The following TMEM273 variants were observed in gnomAD, a reference collection of about 807,000 sequenced individuals.
TMEM273 encodes transmembrane protein 273.
In TMEM273, 19 loss-of-function variants were observed where a neutral mutation model predicts 17.9. That is an observed-to-expected ratio of 1.06 (90% CI 0.74 to 1.55). The LOEUF is 1.55. Ranked by LOEUF, TMEM273 falls within the 40% of genes most tolerant of loss-of-function variation. The pLI is 0.00. For synonymous variants in TMEM273, 66 were observed against 62.0 expected (o/e 1.07, Z -0.31); for missense variants, 194 against 155.6 (o/e 1.25, Z -1.31).
chr10:49,165,693 G>T (rs77059741), intron 4 of TMEM273, 73 bp downstream of exon 4: 25,223 of 1,591,622 alleles, frequency 0.016, 284 homozygotes, highest in Middle Eastern at 0.037. Flanking sequence ...GGGGATGACA[G>T]GCAAGGGAGT....
intron 1 of TMEM273, chr10:49,178,268 T>C (rs1322543711): frequency 2.2e-6 from 1 of 457,342 alleles, no homozygotes; most frequent in South Asian, 1.5e-5. Flanking sequence ...TCCTCTCTTC[T>C]TAGGATGGCA....
Position 49,155,188 on chromosome 10 carries a change from TC to T in TMEM273, c.*703del, listed in dbSNP as rs1845442035. On this transcript the variant is annotated 3_prime_UTR_variant, in exon 7 of 7. Coordinates refer to ENST00000374153, the MANE Select transcript of TMEM273 (RefSeq NM_001288740.3). ...TAAGGAGAAAAATAATAACTGACATTCATGGCCCTCTGCAAGGCACAGCATC... is the reference window on the plus strand; with the variant it reads ...TAAGGAGAAAAATAATAACTGACATTATGGCCCTCTGCAAGGCACAGCATC... The T allele has an allele frequency of 6.6e-6, 1 of 152,398 alleles. No homozygotes were observed. Among genetic ancestry groups the T allele is most frequent in the African/African-American group, 2.4e-5 (1 of 41,456 alleles). 9.4% of individuals were successfully genotyped at this position (152,398 alleles called of 1,614,324 possible).
At chr10:49,172,743 T>C (rs911141469) in intron 1 of TMEM273, among the ~76,000 whole-genome samples, 1 of 152,114 alleles carries the variant, frequency 6.6e-6, no homozygotes, top group Non-Finnish European at 1.5e-5. Flanking sequence ...AGTTCCCAAA[T>C]TGAGTGTGTG....
At chr10:49,186,077 A>AGAAGAAGAGGAAGAAGAAGAAGAG (rs1847678160) in intron 1 of TMEM273, among the ~76,000 whole-genome samples, 1 of 140,996 alleles carries the variant, frequency 7.1e-6, no homozygotes, top group Non-Finnish European at 1.5e-5. Context: ...AGGAAGAAGA[A>AGAAGAAGAGGAAGAAGAAGAAGAG]GAAGAAGAAG....
At chr10:49,157,640 C>T (rs935330036) in intron 6 of TMEM273, among the ~76,000 whole-genome samples, 2 of 152,220 alleles carry the variant, frequency 1.3e-5, no homozygotes, top group Middle Eastern at 3.2e-3. Context: ...ATCCAACACA[C>T]ATTTCTGATT....
intron 1 of TMEM273, among the ~76,000 whole-genome samples, chr10:49,168,686 AAGGAAGGG>A (rs1318344371): frequency 9.4e-6 from 1 of 105,884 alleles, no homozygotes; most frequent in Non-Finnish European, 1.9e-5. Context: ...GGAAGGAAGG[AAGGAAGGG>A]AGGGAGGGAG....
chr10:49,157,435 G>A (rs1333688148), intron 6 of TMEM273, among the ~76,000 whole-genome samples: 1 of 152,224 alleles, frequency 6.6e-6, no homozygotes, highest in East Asian at 1.9e-4. Context: ...CATACCATGT[G>A]ATTTAGTGGC....
chr10:49,161,733 G>A (rs948795937), intron 5 of TMEM273, 111 bp from the exon 6 acceptor site: 1 of 1,370,710 alleles, frequency 7.3e-7, no homozygotes. Flanking sequence ...GCTCTTTTGG[G>A]TCTGACTTCC....
chr10:49,168,427 G>T (rs1434456750), intron 1 of TMEM273, among the ~76,000 whole-genome samples: 1 of 152,142 alleles, frequency 6.6e-6, no homozygotes, highest in Non-Finnish European at 1.5e-5. Context: ...TGGGTGAGCT[G>T]ATCCCAGTGT....
At chr10:49,169,801 G>A (rs1467232398) in intron 1 of TMEM273, among the ~76,000 whole-genome samples, 1 of 152,220 alleles carries the variant, frequency 6.6e-6, no homozygotes, top group South Asian at 2.1e-4. Context: ...GAAGGCTGTG[G>A]GTGGGAGCAC....
chr10:49,168,005 G>T, intron 1 of TMEM273, 43 bp from the exon 2 acceptor site: 1 of 1,611,808 alleles, frequency 6.2e-7, no homozygotes, highest in South Asian at 1.1e-5. Context: ...AACAGAGCTG[G>T]CTGTGGTCCC....
At chr10:49,170,832 C>T (rs1469485755) in intron 1 of TMEM273, among the ~76,000 whole-genome samples, 1 of 152,176 alleles carries the variant, frequency 6.6e-6, no homozygotes, top group East Asian at 1.9e-4. Context: ...CCTGGCCGGC[C>T]CCACCCCTGC....
At chr10:49,178,518 C>A in intron 1 of TMEM273, 1 of 318,876 alleles carries the variant, frequency 3.1e-6, no homozygotes, top group Non-Finnish European at 6.3e-6. Flanking sequence ...GGACAGTAAC[C>A]TGATGGATGT....
At chr10:49,169,598 T>C (rs1193990875) in intron 1 of TMEM273, among the ~76,000 whole-genome samples, 1 of 152,206 alleles carries the variant, frequency 6.6e-6, no homozygotes, top group African/African-American at 2.4e-5. Context: ...TTCCCACAGA[T>C]CACAAGCCCC....
chr10:49,158,954 G>C (rs953887402), intron 6 of TMEM273, among the ~76,000 whole-genome samples: 1 of 152,100 alleles, frequency 6.6e-6, no homozygotes, highest in Non-Finnish European at 1.5e-5. Flanking sequence ...ATTTTAAAAA[G>C]TGTGTCTATA....
At position 49,165,192 on chromosome 10, in the gene TMEM273, G is replaced by C; in HGVS notation, c.348+13C>G. 6.5e-7 allele frequency: 1 copy of C among 1,542,270 alleles called. No homozygotes were observed. ...AGAAGAGAATGGTGGCTGGAGTCGA[G>C]AGGGGATTGTACCTTAAATAGGCCC... is the stretch of plus-strand genomic sequence containing the variant. On this transcript the variant is annotated intron_variant, in intron 5 of 6. Transcript: ENST00000374153.
intron 1 of TMEM273, among the ~76,000 whole-genome samples, chr10:49,183,309 C>G (rs900560208): frequency 7.9e-5 from 12 of 151,466 alleles, no homozygotes; most frequent in African/African-American, 1.2e-4. Flanking sequence ...TTAAAAGAAA[C>G]TCCATGGTAT....
intron 1 of TMEM273, among the ~76,000 whole-genome samples, chr10:49,170,189 C>T (rs1219018392): frequency 1.3e-5 from 2 of 152,256 alleles, no homozygotes; most frequent in Non-Finnish European, 2.9e-5. Context: ...TCAAGAGACA[C>T]ACTCAGGCTG....
intron 6 of TMEM273, among the ~76,000 whole-genome samples, chr10:49,158,900 T>A (rs1016037645): frequency 6.6e-6 from 1 of 152,202 alleles, no homozygotes. Context: ...GAAAAGTATA[T>A]ATGCACAGAT....
Sources: allele counts gnomAD v4.1 joint callset (sites outside exome capture counted in the v4.1 genomes callset), GRCh38; gene constraint gnomAD v4.1.1; transcripts MANE v1.5; gene names NCBI Gene and HGNC (gene_info 2026-07-23, HGNC 2026-07-21).